Variants in HHAT observed in about 807,000 individuals in gnomAD.
The protein encoded by HHAT is protein-cysteine N-palmitoyltransferase HHAT.
A neutral mutation model predicts 70.8 loss-of-function variants in HHAT; 47 were observed. The observed-to-expected ratio is 0.66, with a 90% CI of 0.53 to 0.85. The LOEUF (loss-of-function observed/expected upper bound fraction) is 0.85. HHAT is among the 40% of genes least tolerant of loss of function. The pLI is 0.00. For missense variants in HHAT, 609 were observed against 604.8 expected, an observed-to-expected ratio of 1.01 and a Z score of -0.07; for synonymous variants, 228 against 247.6, an observed-to-expected ratio of 0.92 and a Z score of 0.74.
chr1:210,659,499 G>T (rs1677181046), intron 11 of HHAT, among the ~76,000 whole-genome samples: 1 of 152,134 alleles, frequency 6.6e-6, no homozygotes, highest in Non-Finnish European at 1.5e-5. Context: ...ACAAAAAGGA[G>T]CTGGTACCAT....
intron 9 of HHAT, among the ~76,000 whole-genome samples, chr1:210,541,541 A>G (rs547079535): frequency 6.6e-6 from 1 of 152,282 alleles, no homozygotes; most frequent in Admixed American, 6.5e-5. Flanking sequence ...AGCCTGGCCA[A>G]CATGATGAAA....
chr1:210,529,562 G>C (rs2095291489), intron 9 of HHAT, among the ~76,000 whole-genome samples: 1 of 152,126 alleles, frequency 6.6e-6, no homozygotes. Flanking sequence ...AAGTCAAAAA[G>C]TCACTCTCTG....
intron 7 of HHAT, among the ~76,000 whole-genome samples, chr1:210,457,803 C>A (rs1239207851): frequency 6.6e-6 from 1 of 152,006 alleles, no homozygotes; most frequent in Non-Finnish European, 1.5e-5. Context: ...TTGTGTTTAC[C>A]CCCGGGAAGA....
chr1:210,368,994 C>T (rs978468041), intron 3 of HHAT, among the ~76,000 whole-genome samples: 1 of 151,990 alleles, frequency 6.6e-6, no homozygotes, highest in African/African-American at 2.4e-5. Context: ...AGGAGAATCG[C>T]TTGAACCCGG....
chr1:210,593,345 G>A (rs1179107278), intron 10 of HHAT, among the ~76,000 whole-genome samples: 2 of 151,852 alleles, frequency 1.3e-5, no homozygotes, highest in Non-Finnish European at 2.9e-5. Context: ...TACTTCTTTT[G>A]CTATATCCCA....
intron 10 of HHAT, among the ~76,000 whole-genome samples, chr1:210,607,774 A>C (rs1665794094): frequency 6.6e-6 from 1 of 151,388 alleles, no homozygotes. Flanking sequence ...TAATGAAGTC[A>C]TTCACGACCA....
intron 11 of HHAT, among the ~76,000 whole-genome samples, chr1:210,651,071 G>A (rs1444916989): frequency 6.6e-6 from 1 of 152,190 alleles, no homozygotes; most frequent in Non-Finnish European, 1.5e-5. Flanking sequence ...TGGAGTAATT[G>A]TGACTCTGAT....
At chr1:210,643,193 C>T (rs1275829594) in intron 11 of HHAT, among the ~76,000 whole-genome samples, 1 of 152,188 alleles carries the variant, frequency 6.6e-6, no homozygotes, top group Non-Finnish European at 1.5e-5. Flanking sequence ...ACTGCACTAT[C>T]TTAAATCTTG....
chr1:210,366,224 C>G (rs1472028988), intron 3 of HHAT, among the ~76,000 whole-genome samples: 1 of 152,122 alleles, frequency 6.6e-6, no homozygotes, highest in Non-Finnish European at 1.5e-5. Context: ...TACTGACATT[C>G]TAGATTAGAT....
chr1:210,433,682 C>T (rs2093309672), intron 7 of HHAT, among the ~76,000 whole-genome samples: 1 of 151,896 alleles, frequency 6.6e-6, no homozygotes, highest in South Asian at 2.1e-4. Context: ...TCTTTCATTT[C>T]CCTTAATCCT....
intron 8 of HHAT, among the ~76,000 whole-genome samples, chr1:210,512,038 A>G (rs2094963306): frequency 6.6e-6 from 1 of 152,138 alleles, no homozygotes; most frequent in African/African-American, 2.4e-5. Context: ...AGAGAAACCA[A>G]GGCAGTGTCG....
At chr1:210,425,868 GT>G (rs1558492837) in intron 7 of HHAT, among the ~76,000 whole-genome samples, 1 of 151,926 alleles carries the variant, frequency 6.6e-6, no homozygotes, top group Non-Finnish European at 1.5e-5. Context: ...TTTTTTTCTA[GT>G]TCTGTGAAGA....
intron 9 of HHAT, among the ~76,000 whole-genome samples, chr1:210,573,604 G>C (rs906081139): frequency 1.3e-5 from 2 of 152,172 alleles, no homozygotes; most frequent in African/African-American, 4.8e-5. Context: ...TAACCCTGGA[G>C]TTTTGCTTTG....
chr1:210,589,819 C>G (rs1021506843), intron 10 of HHAT: 1 of 152,216 alleles, frequency 6.6e-6, no homozygotes, highest in African/African-American at 2.4e-5. Context: ...CTCCATCACA[C>G]CTTGCTCCAG....
intron 9 of HHAT, among the ~76,000 whole-genome samples, chr1:210,548,717 C>T (rs554546039): frequency 2.6e-5 from 4 of 152,288 alleles, no homozygotes; most frequent in African/African-American, 9.6e-5. Context: ...AATCACTGGA[C>T]TTGTTAATGG....
intron 4 of HHAT, among the ~76,000 whole-genome samples, chr1:210,395,214 C>T (rs968050341): frequency 3.3e-5 from 5 of 152,182 alleles, no homozygotes; most frequent in Non-Finnish European, 4.4e-5. Flanking sequence ...AGGCTCTACA[C>T]TTTCACTCCT....
At chr1:210,501,079 C>T (rs1178112397) in intron 8 of HHAT, among the ~76,000 whole-genome samples, 1 of 152,236 alleles carries the variant, frequency 6.6e-6, no homozygotes, top group Non-Finnish European at 1.5e-5. Flanking sequence ...TCTTCTTTGG[C>T]ATTTGTCCCT....
chr1:210,615,448 A>G (rs1402365931), intron 10 of HHAT, among the ~76,000 whole-genome samples: 1 of 152,238 alleles, frequency 6.6e-6, no homozygotes, highest in Non-Finnish European at 1.5e-5. Context: ...CATCAAATTC[A>G]TTCTCCGTCC....
chr1:210,373,869 G>A (rs3765871), intron 3 of HHAT, among the ~76,000 whole-genome samples: 86,357 of 152,020 alleles, frequency 0.57, 25,474 homozygotes, highest in African/African-American at 0.72. Context: ...ATGTGGCTGA[G>A]TTTAGGATCT....
Sources: allele counts gnomAD v4.1 joint callset (sites outside exome capture counted in the v4.1 genomes callset), GRCh38; gene constraint gnomAD v4.1.1; transcripts MANE v1.5; gene names NCBI Gene and HGNC (gene_info 2026-07-23, HGNC 2026-07-21).